The following EVC2 variants were observed in gnomAD, a reference collection of about 807,000 sequenced individuals.
EVC2 encodes the protein EvC ciliary complex subunit 2, also known as limbin.
In EVC2, 148 loss-of-function variants were observed where a neutral mutation model predicts 149.3. That is an observed-to-expected ratio of 0.99 (90% CI 0.87 to 1.14). The LOEUF is 1.14. Among genes scored for constraint, EVC2 ranks in the 50% most tolerant of loss-of-function variants. The pLI, the probability that EVC2 is intolerant of heterozygous loss-of-function variation, is 0.00. For missense variants in EVC2, 1,854 were observed against 1,627.3 expected, an observed-to-expected ratio of 1.14 and a Z score of -2.40; for synonymous variants, 776 against 649.9, an observed-to-expected ratio of 1.19 and a Z score of -2.95.
intron 9 of EVC2, among the ~76,000 whole-genome samples, chr4:5,656,965 A>G (rs1224584334): frequency 6.6e-6 from 1 of 152,152 alleles, no homozygotes; most frequent in Non-Finnish European, 1.5e-5. Context: ...TTGTATAGGT[A>G]AGGCAAGTGG....
At chr4:5,532,158 C>A in the EVC2 span, among the ~76,000 whole-genome samples, 89 of 152,032 alleles carry the variant, frequency 5.9e-4, no homozygotes, top group Non-Finnish European at 1.1e-3. Flanking sequence ...GCTAAGAAGT[C>A]CAAAATTTGC....
rs139753340 is a variant in EVC2 at position 5,603,769 on chromosome 4, G to A, written c.2829+11653C>T. On this transcript the variant is annotated intron_variant, in intron 16 of 21. Coordinates refer to ENST00000344408, the MANE Select transcript of EVC2 (RefSeq NM_147127.5). Reference sequence around the variant, plus strand: ...GATGTGCCATGCAGACAGAGAGCAAGATCATTATAATAAGACCAGAAATAA... The same window carrying A: ...GATGTGCCATGCAGACAGAGAGCAAAATCATTATAATAAGACCAGAAATAA... Among the ~76,000 whole-genome samples the A allele has an allele frequency of 1.3e-3, 203 of 152,284 alleles. 1 individual carries two copies. The highest frequency in any genetic ancestry group is 4.3e-3 in the African/African-American group (180 of 41,564).
intron 9 of EVC2, among the ~76,000 whole-genome samples, chr4:5,644,588 C>G (rs537311108): frequency 6.6e-6 from 1 of 152,124 alleles, no homozygotes; most frequent in Non-Finnish European, 1.5e-5. Flanking sequence ...CAGGTGTGAG[C>G]CACCGTGTCT....
downstream of EVC2, among the ~76,000 whole-genome samples, chr4:5,538,695 T>A (rs1423069089): frequency 6.6e-6 from 1 of 152,166 alleles, no homozygotes; most frequent in Non-Finnish European, 1.5e-5. Flanking sequence ...TCAATATAAT[T>A]TACTCTATAA....
At chr4:5,676,195 A>C (rs1719979984) in intron 7 of EVC2, among the ~76,000 whole-genome samples, 1 of 152,200 alleles carries the variant, frequency 6.6e-6, no homozygotes, top group South Asian at 2.1e-4. Flanking sequence ...TCAAAAAGAC[A>C]GTACTCTCAT....
In EVC2 at chr4:5,590,764, G is replaced by C. The variant is rs553604596; in HGVS notation, c.2830-5914C>G. 3.3e-5 allele frequency among the ~76,000 whole-genome samples: 5 copies of C among 152,210 alleles called. No homozygotes were observed. The South Asian group carries it at 1.0e-3, about 32-fold the overall frequency. ...CACCATTTTTTTGTACATGAGACCT[G>C]TATTAGTCCATATTTATGCTGCTAT... On this transcript the variant is annotated intron_variant, in intron 16 of 21. Coordinates refer to ENST00000344408, the MANE Select transcript of EVC2 (RefSeq NM_147127.5).
chr4:5,596,738 AT>A (rs1163470399), intron 16 of EVC2, among the ~76,000 whole-genome samples: 1 of 152,228 alleles, frequency 6.6e-6, no homozygotes, highest in East Asian at 1.9e-4. Flanking sequence ...ACTGAAGGAA[AT>A]AGAGACACAA....
chr4:5,550,110 G>A (rs1403057870), intron 21 of EVC2, among the ~76,000 whole-genome samples: 1 of 152,176 alleles, frequency 6.6e-6, no homozygotes, highest in Non-Finnish European at 1.5e-5. Context: ...TATTAGCAGT[G>A]TGAAAATGAA....
At position 5,686,080 on chromosome 4, in the gene EVC2, C is replaced by A. The variant is rs2151728737; in HGVS notation, c.707-601G>T. ...TATACACACATATATAACATATATA[C>A]ACACACATATATATTACACACACAC... On this transcript the variant is annotated intron_variant, in intron 5 of 21. Coordinates refer to ENST00000344408, the MANE Select transcript of EVC2 (RefSeq NM_147127.5). This position sits in a 1 kb window ranked among gnomAD's most constrained non-coding sequence, Gnocchi z 5.4. 8.2e-6 allele frequency among the ~76,000 whole-genome samples: 1 copy of A among 121,900 alleles called. No individual in the cohort carries two copies. The highest frequency in any genetic ancestry group is 1.6e-5 in the Non-Finnish European group (1 of 60,626). 80.0% of individuals were successfully genotyped at this position (121,900 alleles called of 152,430 possible).
At chr4:5,546,192 G>C (rs1176515307) in intron 21 of EVC2, among the ~76,000 whole-genome samples, 2 of 152,168 alleles carry the variant, frequency 1.3e-5, no homozygotes, top group Non-Finnish European at 1.5e-5. Flanking sequence ...CATACCATTT[G>C]ACCCAGCCAT....
At chr4:5,547,491 G>A (rs1721645121) in intron 21 of EVC2, among the ~76,000 whole-genome samples, 1 of 152,190 alleles carries the variant, frequency 6.6e-6, no homozygotes, top group African/African-American at 2.4e-5. Context: ...ACCAGAGTGG[G>A]AACTTGTGGT....
chr4:5,664,258 C>G (rs553773187), intron 8 of EVC2, among the ~76,000 whole-genome samples: 2 of 152,182 alleles, frequency 1.3e-5, no homozygotes, highest in African/African-American at 4.8e-5. Flanking sequence ...TAACCCCAAT[C>G]CAACTCTGAA....
chr4:5,534,922 G>GA, the EVC2 span, among the ~76,000 whole-genome samples: 1 of 145,950 alleles, frequency 6.9e-6, no homozygotes, highest in Non-Finnish European at 1.5e-5. Flanking sequence ...ATTTTCTAGG[G>GA]AAAACAGGAG....
chr4:5,568,665 C>G, intron 19 of EVC2, 25 bp from the exon 20 acceptor site: 1 of 1,598,082 alleles, frequency 6.3e-7, no homozygotes. Flanking sequence ...AGAGGGAGTT[C>G]AGACCCTCGC....
chr4:5,555,373 T>C (rs1721819790), intron 21 of EVC2, among the ~76,000 whole-genome samples: 1 of 152,194 alleles, frequency 6.6e-6, no homozygotes, highest in African/African-American at 2.4e-5. Flanking sequence ...ATGGATTTTT[T>C]AAAAGGATCC....
chr4:5,579,200 A>AATTGAGTTTAG (rs1156343939), intron 17 of EVC2, among the ~76,000 whole-genome samples: 2 of 152,110 alleles, frequency 1.3e-5, no homozygotes, highest in African/African-American at 2.4e-5. Context: ...GGTAGGCAGA[A>AATTGAGTTTAG]ATTGAGTTTA....
chr4:5,655,530 A>T (rs1261912883), intron 9 of EVC2, among the ~76,000 whole-genome samples: 1 of 152,034 alleles, frequency 6.6e-6, no homozygotes. Flanking sequence ...GCACATTCTG[A>T]CAAGTCTTAA....
rs1365439675 is a variant in EVC2, at chr4:5,647,634, A to T, written c.1146-6796T>A. On this transcript the variant is annotated intron_variant, in intron 9 of 21. Transcript: ENST00000344408. Reference sequence around the variant, plus strand: ...CAATCAATGTTGTACAAGCTCAGAAAACAAAATCCCTTCTCTACTCTGAGA... The same window carrying T: ...CAATCAATGTTGTACAAGCTCAGAATACAAAATCCCTTCTCTACTCTGAGA... Among the ~76,000 whole-genome samples, 3 of 152,228 alleles carry T rather than the reference A, an allele frequency of 2.0e-5. No individual in the cohort carries two copies. The East Asian group carries it at 5.8e-4, about 29-fold the overall frequency.
chr4:5,692,430 A>T (rs540727756), intron 3 of EVC2, among the ~76,000 whole-genome samples: 109 of 152,314 alleles, frequency 7.2e-4, no homozygotes, highest in African/African-American at 2.6e-3. Flanking sequence ...GAGGAAACTA[A>T]GACTCAGAAA....
Sources: allele counts gnomAD v4.1 joint callset (sites outside exome capture counted in the v4.1 genomes callset), GRCh38; gene constraint gnomAD v4.1.1; non-coding constraint Gnocchi (gnomAD v3.1); transcripts MANE v1.5; gene names NCBI Gene and HGNC (gene_info 2026-07-23, HGNC 2026-07-21).